WNT3A: variants seen among roughly 807,000 people sequenced by gnomAD.
The protein encoded by WNT3A is protein Wnt-3a.
Under a neutral mutation model 37.0 loss-of-function variants are expected in WNT3A, and 17 were observed. That is an observed-to-expected ratio of 0.46 (90% CI 0.31 to 0.69). The LOEUF (loss-of-function observed/expected upper bound fraction) is 0.69. Ranked by LOEUF, WNT3A falls within the 30% of genes least tolerant of loss-of-function variation. The pLI, the probability that WNT3A is intolerant of heterozygous loss-of-function variation, is 0.05. For missense variants in WNT3A, 411 were observed against 510.2 expected (o/e 0.81, Z 1.87); for synonymous variants, 187 against 211.0 (o/e 0.89, Z 0.99).
At chr1:228,056,480 C>T (rs899114214) in intron 3 of WNT3A, among the ~76,000 whole-genome samples, 2 of 151,778 alleles carry the variant, frequency 1.3e-5, no homozygotes, top group African/African-American at 4.8e-5. Context: ...GCAAAATCCT[C>T]AAATTGAAAG....
At position 228,059,145 on chromosome 1, in the gene WNT3A, C is replaced by G; in HGVS notation, c.739C>G (p.Arg247Gly). 2 of 1,613,608 alleles carry G rather than the reference C, an allele frequency of 1.2e-6. No homozygotes were observed. Among genetic ancestry groups the G allele is most frequent in the Non-Finnish European group, 1.7e-6 (2 of 1,179,974 alleles). ...CTCGGAGATGGTGGTGGAGAAGCAC[C>G]GGGAGTCCCGCGGCTGGGTGGAGAC... ...SASEMVVEKH[R>G]ESRGWVETLR... The change falls in exon 4 of 4, where the codon CGG (arginine) becomes GGG (glycine). Residue 247 changes from arginine (R) to glycine (G), a missense_variant. By Grantham distance (125) the Arg-to-Gly change is moderately radical. Transcript: ENST00000284523.
intron 2 of WNT3A, among the ~76,000 whole-genome samples, chr1:228,024,803 C>T (rs570034104): frequency 3.3e-5 from 5 of 152,142 alleles, no homozygotes; most frequent in Non-Finnish European, 7.3e-5. Flanking sequence ...CTATTTTGAG[C>T]TCATCTTTTT....
chr1:228,049,054 C>T (rs2031487079), intron 2 of WNT3A, among the ~76,000 whole-genome samples: 1 of 152,234 alleles, frequency 6.6e-6, no homozygotes, highest in Non-Finnish European at 1.5e-5. Context: ...ATGTCAGCAG[C>T]GGCAGACACC....
chr1:228,052,645 CAG>C, intron 3 of WNT3A, among the ~76,000 whole-genome samples: 1 of 152,304 alleles, frequency 6.6e-6, no homozygotes, highest in Non-Finnish European at 1.5e-5. Context: ...GCTGTAGAAT[CAG>C]GGGACCACAG....
Position 228,027,916 on chromosome 1 carries a change from T to G in WNT3A, c.313+5008T>G, listed in dbSNP as rs532265408. On this transcript the variant is annotated intron_variant, in intron 2 of 3. Transcript: ENST00000284523. ...ATTTTTATAGTTTCAGGTCTTAGAT[T>G]TAAGGCTTTGATCCATCTGGAGTTG... Among the ~76,000 whole-genome samples, 8 of 152,346 alleles carry G rather than the reference T, an allele frequency of 5.3e-5. No homozygotes were observed. In the East Asian group the frequency reaches 9.6e-4, roughly 18 times the overall value.
rs780766212 is a variant in WNT3A at position 228,031,516 on chromosome 1, T to A, written c.313+8608T>A. On this transcript the variant is annotated intron_variant, in intron 2 of 3. Transcript: ENST00000284523. This position sits in a 1 kb window ranked among gnomAD's most constrained non-coding sequence, Gnocchi z 4.8. The stretch of plus-strand genomic sequence containing the variant: ...TGTGGCGTGTGATGCATTGTGTGTA[T>A]GTGAGTGTGCACGTGTGTGGGAATG... Among the ~76,000 whole-genome samples, 9 of 152,066 alleles carry A rather than the reference T, an allele frequency of 5.9e-5. No individual in the cohort carries two copies. The highest frequency in any genetic ancestry group is 1.0e-4 in the Non-Finnish European group (7 of 68,000).
At chr1:228,051,629 C>A (rs190085202) in intron 3 of WNT3A, among the ~76,000 whole-genome samples, 1 of 152,208 alleles carries the variant, frequency 6.6e-6, no homozygotes, top group East Asian at 1.9e-4. Flanking sequence ...GTGTCCTCAC[C>A]CAGGGTGTGG....
chr1:228,022,615 T>A, intron 1 of WNT3A, 52 bp from the exon 2 acceptor site: 3 of 1,576,568 alleles, frequency 1.9e-6, no homozygotes, highest in Non-Finnish European at 2.6e-6. Flanking sequence ...AGCCTGCTCA[T>A]CTGTGTCGCT....
chr1:228,047,415 C>A (rs1032952978), intron 2 of WNT3A, among the ~76,000 whole-genome samples: 1 of 152,148 alleles, frequency 6.6e-6, no homozygotes. Flanking sequence ...GAGCAACGTG[C>A]GTTCTTCTGT....
intron 1 of WNT3A, among the ~76,000 whole-genome samples, chr1:228,014,367 C>T (rs1440910286): frequency 3.9e-5 from 6 of 152,356 alleles, no homozygotes. Flanking sequence ...GTCCACACGC[C>T]TGCATGGAGC....
intron 1 of WNT3A, among the ~76,000 whole-genome samples, chr1:228,012,205 G>T (rs548558207): frequency 6.6e-6 from 1 of 152,272 alleles, no homozygotes; most frequent in African/African-American, 2.4e-5. Flanking sequence ...CTGTGAGGAG[G>T]GAAGCTCCGG....
intron 1 of WNT3A, among the ~76,000 whole-genome samples, chr1:228,015,291 A>G (rs1197019238): frequency 6.6e-6 from 1 of 152,200 alleles, no homozygotes; most frequent in Non-Finnish European, 1.5e-5. Context: ...AAGGGGACAG[A>G]GCAAGAGAGG....
chr1:228,052,963 TA>T (rs1191183116), intron 3 of WNT3A, among the ~76,000 whole-genome samples: 1 of 152,160 alleles, frequency 6.6e-6, no homozygotes, highest in Non-Finnish European at 1.5e-5. Flanking sequence ...AGGTGGGACC[TA>T]ATAAGAGGTG....
rs1182814185 is a variant in WNT3A at position 228,037,159 on chromosome 1, C to A, written c.314-13497C>A. Among the ~76,000 whole-genome samples the A allele has an allele frequency of 6.6e-6, 1 of 152,088 alleles. No individual in the cohort carries two copies. Among genetic ancestry groups the A allele is most frequent in the African/African-American group, 2.4e-5 (1 of 41,404 alleles). On this transcript the variant is annotated intron_variant, in intron 2 of 3. Coordinates refer to ENST00000284523, the MANE Select transcript of WNT3A (RefSeq NM_033131.4). The surrounding 1 kb of genome is among the most constrained non-coding windows in gnomAD (Gnocchi z 4.1). The stretch of plus-strand genomic sequence containing the variant: ...CCCAGAGCCCTGGGGTTTGCTTCTT[C>A]GTACCCAGTGTGGGTGGGGCCTGCA...
At chr1:228,016,917 G>A (rs1021992816) in intron 1 of WNT3A, among the ~76,000 whole-genome samples, 4 of 152,148 alleles carry the variant, frequency 2.6e-5, no homozygotes, top group Non-Finnish European at 2.9e-5. Context: ...TGCCATTCAC[G>A]AGTGATCTGC....
chr1:228,054,577 A>C (rs1463880116), intron 3 of WNT3A, among the ~76,000 whole-genome samples: 1 of 147,706 alleles, frequency 6.8e-6, no homozygotes, highest in African/African-American at 2.5e-5. Flanking sequence ...GCAGTGAGCC[A>C]AGATCGCACC....
At chr1:228,017,578 T>C (rs2102762889) in intron 1 of WNT3A, among the ~76,000 whole-genome samples, 1 of 152,286 alleles carries the variant, frequency 6.6e-6, no homozygotes, top group Middle Eastern at 3.4e-3. Context: ...CCGGGCATCA[T>C]GGCACAGGCC....
rs2030254222 is a variant in WNT3A at position 228,008,021 on chromosome 1, C to G, written c.71+822C>G. On this transcript the variant is annotated intron_variant, in intron 1 of 3. Coordinates refer to ENST00000284523, the MANE Select transcript of WNT3A (RefSeq NM_033131.4). The surrounding 1 kb of genome is among the most constrained non-coding windows in gnomAD (Gnocchi z 4.9). ...TGCAGATAAACCAAAGGAAGGGTCC[C>G]GAAAGGTCTCTCTCAGGCCTCCCAC... Among the ~76,000 whole-genome samples the G allele has an allele frequency of 6.6e-6, 1 of 152,174 alleles. No individual in the cohort carries two copies. Among genetic ancestry groups the G allele is most frequent in the Non-Finnish European group, 1.5e-5 (1 of 68,028 alleles).
At chr1:228,040,649 C>T (rs1268361650) in intron 2 of WNT3A, among the ~76,000 whole-genome samples, 3 of 151,860 alleles carry the variant, frequency 2.0e-5, no homozygotes, top group Non-Finnish European at 2.9e-5. Context: ...TTTGGGAGGC[C>T]GAGATGGGCG....
Sources: gnomAD v4.1 joint callset for allele counts (sites outside exome capture counted in the v4.1 genomes callset) on GRCh38, gnomAD v4.1.1 for gene constraint, Gnocchi (gnomAD v3.1) non-coding constraint, MANE v1.5 for transcripts, NCBI Gene and HGNC (gene_info 2026-07-23, HGNC 2026-07-21) for gene names.